DNMT3B: variants seen among roughly 807,000 people sequenced by gnomAD.
DNMT3B encodes the protein DNA (cytosine-5)-methyltransferase 3B.
DNMT3B carries 37 observed loss-of-function variants against 120.2 expected under a neutral mutation model. The observed-to-expected ratio is 0.31, with a 90% CI of 0.24 to 0.40. The LOEUF is 0.40. Ranked by LOEUF, DNMT3B falls within the 10% of genes least tolerant of loss-of-function variation. The pLI is 1.00. For missense variants in DNMT3B, 878 were observed against 1,137.3 expected, an observed-to-expected ratio of 0.77 and a Z score of 3.28; for synonymous variants, 412 against 442.8, an observed-to-expected ratio of 0.93 and a Z score of 0.87.
At chr20:32,800,744 C>A in intron 17 of DNMT3B, 91 bp from the exon 18 acceptor site, 2 of 1,431,644 alleles carry the variant, frequency 1.4e-6, no homozygotes, top group Non-Finnish European at 2.0e-6. Flanking sequence ...TGTGAGCCAC[C>A]TCGTCCAGCC....
chr20:32,781,907 A>G (rs527783596), intron 3 of DNMT3B, among the ~76,000 whole-genome samples: 25 of 152,294 alleles, frequency 1.6e-4, no homozygotes, highest in African/African-American at 5.8e-4. Flanking sequence ...GGTTGTGTTC[A>G]AGTAGTGCTT....
chr20:32,786,444 G>A (rs1398843511), intron 4 of DNMT3B, 58 bp from the exon 5 acceptor site: 44 of 1,612,114 alleles, frequency 2.7e-5, no homozygotes, highest in South Asian at 1.6e-4. Flanking sequence ...TTCTGGCCCC[G>A]CCAGACCCCA....
At chr20:32,770,164 G>A (rs939385480) in intron 1 of DNMT3B, among the ~76,000 whole-genome samples, 5 of 152,110 alleles carry the variant, frequency 3.3e-5, no homozygotes, top group African/African-American at 1.2e-4. Context: ...TCAGGCTAGA[G>A]TGCAATGGCA....
At chr20:32,801,098 C>T (rs773130124) in intron 18 of DNMT3B, among the ~76,000 whole-genome samples, 173 bp downstream of exon 18, 6 of 152,178 alleles carry the variant, frequency 3.9e-5, no homozygotes, top group Non-Finnish European at 7.3e-5. Context: ...AAGGGAAATA[C>T]CCTAGTAAAT....
intron 8 of DNMT3B, among the ~76,000 whole-genome samples, chr20:32,791,928 C>G (rs1225818498): frequency 6.6e-6 from 1 of 152,200 alleles, no homozygotes; most frequent in Non-Finnish European, 1.5e-5. Flanking sequence ...CTAACTGAAT[C>G]AGAAGGAAAG....
At chr20:32,765,556 G>A (rs758107718) in intron 1 of DNMT3B, among the ~76,000 whole-genome samples, 20 of 149,730 alleles carry the variant, frequency 1.3e-4, no homozygotes, top group Non-Finnish European at 1.8e-4. Context: ...GAGTAGCTGG[G>A]ATTACATGCG....
intron 17 of DNMT3B, 104 bp from the exon 18 acceptor site, chr20:32,800,731 A>C: frequency 7.8e-7 from 1 of 1,286,628 alleles, no homozygotes; most frequent in Non-Finnish European, 1.1e-6. Context: ...CTGGGATTAC[A>C]GGTGTGAGCC....
rs551701657 is a variant in DNMT3B, at chr20:32,769,262, T to G, written c.-7+6563T>G. Reference sequence around the variant, plus strand: ...GCCACCTTGCCCGGCTAATTTTTTGTATTTTTAGTAGAGACGGGGTTTCAC... The same window carrying G: ...GCCACCTTGCCCGGCTAATTTTTTGGATTTTTAGTAGAGACGGGGTTTCAC... On this transcript the variant is annotated intron_variant, in intron 1 of 22. Coordinates refer to ENST00000328111, the MANE Select transcript of DNMT3B (RefSeq NM_006892.4). Among the ~76,000 whole-genome samples the G allele has an allele frequency of 2.2e-3, 341 of 152,254 alleles. 3 individuals carry two copies. The highest frequency in any genetic ancestry group is 7.8e-3 in the African/African-American group (323 of 41,548).
Position 32,799,456 on chromosome 20 carries a change from A to C in DNMT3B, c.1759+128A>C, listed in dbSNP as rs1363860183. The C allele has an allele frequency of 4.9e-6, 5 of 1,023,436 alleles. No homozygotes were observed. In the Admixed American group the frequency reaches 1.0e-4, roughly 20 times the overall value. The allele number at this position is 1,023,436 out of a possible 1,614,324, so 63.4% of individuals were successfully genotyped here. ...GTCCCTGGGGATTACCAGCCCTGAA[A>C]AAAACCCTGTCTCCTTGTTTCTCTC... is the stretch of plus-strand genomic sequence containing the variant. On this transcript the variant is annotated intron_variant, in intron 16 of 22. Coordinates refer to ENST00000328111, the MANE Select transcript of DNMT3B (RefSeq NM_006892.4).
intron 1 of DNMT3B, among the ~76,000 whole-genome samples, chr20:32,778,589 C>T (rs1049773720): frequency 2.6e-5 from 4 of 152,224 alleles, no homozygotes; most frequent in Admixed American, 1.3e-4. Flanking sequence ...ACAGATTGCA[C>T]CTCTGCCTGG....
At chr20:32,801,922 A>G (rs1981392484) in intron 19 of DNMT3B, among the ~76,000 whole-genome samples, 1 of 152,036 alleles carries the variant, frequency 6.6e-6, no homozygotes, top group Non-Finnish European at 1.5e-5. Context: ...TCTCAGCCCA[A>G]CTCTTTGAAG....
rs2146018901 is a variant in DNMT3B at position 32,797,242 on chromosome 20, G to A, written c.1433G>A (p.Cys478Tyr). 1.2e-6 allele frequency: 2 copies of A among 1,614,180 alleles called. No homozygotes were observed. Among genetic ancestry groups the A allele is most frequent in the Non-Finnish European group, 1.7e-6 (2 of 1,180,046 alleles). ...GATGACGATGGCTATCAGTCTTACTGCACTGTGTGCTGCGAGGGCCGAGAG... is the reference window on the plus strand; with the variant it reads ...GATGACGATGGCTATCAGTCTTACTACACTGTGTGCTGCGAGGGCCGAGAG... ...MYDDDGYQSYCTVCCEGRELL... is the reference protein window; with the variant it reads ...MYDDDGYQSYYTVCCEGRELL... The change falls in exon 14 of 23, where the codon TGC becomes TAC. Residue 478 changes from cysteine to tyrosine, a missense_variant. By Grantham distance (194) the Cys-to-Tyr change is radical (BLOSUM62 -2). This residue lies in a region of DNMT3B where 334 missense variants were observed against 518.8 expected (regional missense o/e 0.64). Transcript: ENST00000328111.
chr20:32,798,629 A>C lies in DNMT3B; in HGVS notation c.1660A>C (p.Thr554Pro), dbSNP rs1483248749. ...VRLQAFFTSDTGLEYEAPKLY... is the reference protein window; with the variant it reads ...VRLQAFFTSDPGLEYEAPKLY... ...CCTGCAGGCCTTCTTCACCAGTGACACGGGGCTTGAATATGTAAGCCACAG... is the reference window on the plus strand; with the variant it reads ...CCTGCAGGCCTTCTTCACCAGTGACCCGGGGCTTGAATATGTAAGCCACAG... The change falls in exon 15 of 23, where the codon ACG (threonine) becomes CCG (proline). Residue 554 changes from threonine (T) to proline (P), a missense_variant. Thr to Pro is a conservative substitution (Grantham distance 38). Around this residue, in one of 4 missense-constraint regions of DNMT3B, gnomAD observed 334 missense variants for 518.8 expected, o/e 0.64. Coordinates refer to ENST00000328111, the MANE Select transcript of DNMT3B (RefSeq NM_006892.4). 1 of 1,613,906 alleles carries C rather than the reference A, an allele frequency of 6.2e-7. No individual in the cohort carries two copies. The highest frequency in any genetic ancestry group is 1.7e-5 in the Admixed American group (1 of 60,034).
chr20:32,778,294 C>T (rs1024702422), intron 1 of DNMT3B, among the ~76,000 whole-genome samples: 13 of 151,856 alleles, frequency 8.6e-5, no homozygotes, highest in Non-Finnish European at 1.5e-4. Flanking sequence ...TGAGATCGTG[C>T]CATTGCATTC....
rs1161730284 is a variant in DNMT3B, at chr20:32,773,934, G to GTTTTTTTTTTT, written c.-6-6368_-6-6358dup. Among the ~76,000 whole-genome samples, 14 of 69,152 alleles carry GTTTTTTTTTTT rather than the reference G, an allele frequency of 2.0e-4. 2 individuals carry two copies. Among genetic ancestry groups the GTTTTTTTTTTT allele is most frequent in the African/African-American group, 9.3e-4 (14 of 15,076 alleles). 45.4% of individuals were successfully genotyped at this position (69,152 alleles called of 152,430 possible). A position where few individuals can be genotyped will look rare whatever the true frequency, so the allele number is the denominator to read the frequency against. ...GCATGAGCCACTGCGCCCGGCAGTG[G>GTTTTTTTTTTT]TTTTTTTTTTTTTTTTTTTTTTTTT... is the stretch of plus-strand genomic sequence containing the variant. On this transcript the variant is annotated intron_variant, in intron 1 of 22. Coordinates refer to ENST00000328111, the MANE Select transcript of DNMT3B (RefSeq NM_006892.4).
chr20:32,774,235 A>G (rs1401460480), intron 1 of DNMT3B, among the ~76,000 whole-genome samples: 5 of 149,720 alleles, frequency 3.3e-5, no homozygotes, highest in Non-Finnish European at 7.4e-5. Context: ...TTTGAGACGG[A>G]GTCTCGCTCT....
chr20:32,797,823 ATAAT>A (rs1044766387), intron 14 of DNMT3B, among the ~76,000 whole-genome samples: 1 of 151,886 alleles, frequency 6.6e-6, no homozygotes, highest in Non-Finnish European at 1.5e-5. Context: ...CCACGCCCAG[ATAAT>A]TTTTGTGTTT....
chr20:32,771,777 A>C (rs1272144414), intron 1 of DNMT3B, among the ~76,000 whole-genome samples: 1 of 152,292 alleles, frequency 6.6e-6, no homozygotes, highest in East Asian at 1.9e-4. Flanking sequence ...CTTACGGGGA[A>C]AAATATTAGG....
chr20:32,771,751 T>C (rs1987760512), intron 1 of DNMT3B, among the ~76,000 whole-genome samples: 1 of 151,980 alleles, frequency 6.6e-6, no homozygotes, highest in Admixed American at 6.6e-5. Context: ...GATGTATTCA[T>C]AGGTGTCTGG....
Sources: allele counts gnomAD v4.1 joint callset (sites outside exome capture counted in the v4.1 genomes callset), GRCh38; gene constraint gnomAD v4.1.1; regional missense constraint gnomAD v4.1.1; transcripts MANE v1.5; gene names NCBI Gene and HGNC (gene_info 2026-07-23, HGNC 2026-07-21).